Variants in ARMH4 observed in about 807,000 individuals in gnomAD.
ARMH4 encodes armadillo-like helical domain-containing protein 4.
A neutral mutation model predicts 61.9 loss-of-function variants in ARMH4; 49 were observed. The observed-to-expected ratio is 0.79, with a 90% confidence interval of 0.63 to 1.00. The LOEUF is 1.00. Ranked by LOEUF, ARMH4 falls within the 50% of genes least tolerant of loss-of-function variation. The pLI is 0.00. For missense variants in ARMH4, 934 were observed against 930.0 expected (o/e 1.00, Z -0.06); for synonymous variants, 368 against 341.5 (o/e 1.08, Z -0.85).
chr14:58,069,743 T>G (rs1884823397), intron 5 of ARMH4, among the ~76,000 whole-genome samples: 1 of 152,274 alleles, frequency 6.6e-6, no homozygotes, highest in Middle Eastern at 3.4e-3. Flanking sequence ...TTTTATCCTA[T>G]AGGTAATATA....
chr14:58,051,926 AAG>A lies in ARMH4; in HGVS notation c.2090-39778_2090-39777del, dbSNP rs142275141. Among the ~76,000 whole-genome samples the A allele has an allele frequency of 6.7e-3, 1,015 of 152,282 alleles. 10 individuals are homozygous for A. Among genetic ancestry groups the A allele is most frequent in the African/African-American group, 0.023 (970 of 41,564 alleles). Reference sequence around the variant, plus strand: ...TTAACAACTCAAATATACAGAAAGAAAGAGAAAACCCTATTCTAAGCTTGAAT... The same window carrying A: ...TTAACAACTCAAATATACAGAAAGAAAGAAAACCCTATTCTAAGCTTGAAT... On this transcript the variant is annotated intron_variant, in intron 5 of 7. Coordinates refer to ENST00000267485, the MANE Select transcript of ARMH4 (RefSeq NM_001001872.4).
At chr14:58,018,258 C>A (rs1223526582) in intron 5 of ARMH4, among the ~76,000 whole-genome samples, 1 of 151,808 alleles carries the variant, frequency 6.6e-6, no homozygotes, top group African/African-American at 2.4e-5. Flanking sequence ...GAAACAAAAA[C>A]AAAAATAGAA....
chr14:58,010,278 C>T (rs532575990), intron 6 of ARMH4, among the ~76,000 whole-genome samples: 25 of 152,038 alleles, frequency 1.6e-4, no homozygotes, highest in Non-Finnish European at 3.2e-4. Context: ...GATCTATGTA[C>T]ATGTATCTTC....
chr14:58,104,342 C>T lies in ARMH4; in HGVS notation c.1832-7361G>A, dbSNP rs1464243110. On this transcript the variant is annotated intron_variant, in intron 4 of 7. Transcript: ENST00000267485. Reference sequence around the variant, plus strand: ...TTTCTCCTTGTACTACTAGCTTCACCCTTCAGCACTAAGCAACTTATAAGA... The same window carrying T: ...TTTCTCCTTGTACTACTAGCTTCACTCTTCAGCACTAAGCAACTTATAAGA... Among the ~76,000 whole-genome samples the T allele has an allele frequency of 2.6e-4, 40 of 152,194 alleles. 1 individual carries two copies. The highest frequency in any genetic ancestry group is 2.9e-5 in the Non-Finnish European group (2 of 68,036).
intron 5 of ARMH4, among the ~76,000 whole-genome samples, chr14:58,023,893 T>C (rs1566544535): frequency 6.6e-6 from 1 of 152,162 alleles, no homozygotes; most frequent in African/African-American, 2.4e-5. Context: ...TAGTAATAAT[T>C]TGAAAGCAGT....
intron 5 of ARMH4, among the ~76,000 whole-genome samples, chr14:58,056,955 T>C (rs1026288050): frequency 5.9e-5 from 9 of 152,132 alleles, no homozygotes; most frequent in Non-Finnish European, 8.8e-5. Flanking sequence ...GTTTGCCTCC[T>C]TCACACTCTC....
intron 5 of ARMH4, among the ~76,000 whole-genome samples, chr14:58,066,462 T>C (rs549566938): frequency 1.3e-5 from 2 of 152,276 alleles, no homozygotes; most frequent in South Asian, 4.1e-4. Context: ...TTTGGGGTGA[T>C]GAAATTGTCT....
At chr14:58,064,060 A>G (rs867509620) in intron 5 of ARMH4, among the ~76,000 whole-genome samples, 1 of 152,122 alleles carries the variant, frequency 6.6e-6, no homozygotes, top group Non-Finnish European at 1.5e-5. Context: ...CTATACTTAC[A>G]ATATCAACAA....
At chr14:58,127,134 T>G (rs1345822127) in intron 4 of ARMH4, among the ~76,000 whole-genome samples, 4 of 152,140 alleles carry the variant, frequency 2.6e-5, no homozygotes, top group African/African-American at 9.7e-5. Flanking sequence ...AAGTCAATTA[T>G]TATGAGTTTG....
intron 5 of ARMH4, among the ~76,000 whole-genome samples, chr14:58,057,828 T>C (rs1473742327): frequency 6.6e-6 from 1 of 152,170 alleles, no homozygotes; most frequent in Non-Finnish European, 1.5e-5. Flanking sequence ...CTGTCCCTTA[T>C]TCACTACCAC....
At chr14:58,076,013 A>C (rs979645568) in intron 5 of ARMH4, among the ~76,000 whole-genome samples, 2 of 151,730 alleles carry the variant, frequency 1.3e-5, no homozygotes, top group Non-Finnish European at 2.9e-5. Flanking sequence ...AACAAGAAGG[A>C]AGAAGAATAA....
intron 5 of ARMH4, among the ~76,000 whole-genome samples, chr14:58,064,145 AGAAACGGTC>A (rs1884628001): frequency 6.7e-6 from 1 of 150,128 alleles, no homozygotes; most frequent in African/African-American, 2.5e-5. Flanking sequence ...TATCATATCA[AGAAACGGTC>A]ACTTATAATA....
intron 4 of ARMH4, 190 bp downstream of exon 4, chr14:58,131,322 G>T: frequency 1.0e-5 from 5 of 485,510 alleles, no homozygotes; most frequent in South Asian, 4.3e-5. Context: ...ATTTCAAAAT[G>T]TAAAAACCAT....
In ARMH4 at chr14:58,004,649, G is replaced by A; in HGVS notation, c.*87C>T. On this transcript the variant is annotated 3_prime_UTR_variant, in exon 8 of 8. Transcript: ENST00000267485. ...ACTAACGGCCTGATAGCAGCAATGT[G>A]GCAGGTTGTTCTTTTTTTTTTTCTG... 8.9e-7 allele frequency: 1 copy of A among 1,128,512 alleles called. No individual in the cohort carries two copies. The highest frequency in any genetic ancestry group is 1.9e-5 in the Admixed American group (1 of 51,492). 69.9% of individuals were successfully genotyped at this position (1,128,512 alleles called of 1,614,324 possible).
intron 5 of ARMH4, among the ~76,000 whole-genome samples, chr14:58,085,173 T>A (rs575073663): frequency 1.5e-4 from 23 of 152,272 alleles, no homozygotes; most frequent in Middle Eastern, 3.4e-3. Flanking sequence ...TCACCTTAAT[T>A]AGCACCATGT....
intron 4 of ARMH4, among the ~76,000 whole-genome samples, chr14:58,109,877 G>A (rs1372473736): frequency 6.6e-6 from 1 of 152,176 alleles, no homozygotes; most frequent in African/African-American, 2.4e-5. Context: ...GAGGCCTCAG[G>A]AAACTTACAG....
chr14:58,039,988 A>C (rs748072239), intron 5 of ARMH4, among the ~76,000 whole-genome samples: 1 of 152,174 alleles, frequency 6.6e-6, no homozygotes, highest in Non-Finnish European at 1.5e-5. Context: ...TACAACAATA[A>C]CATAAAAAGT....
Position 58,139,368 on chromosome 14 carries a change from G to T in ARMH4, c.-10C>A, listed in dbSNP as rs756729070. The T allele has an allele frequency of 6.2e-7, 1 of 1,612,940 alleles. No individual in the cohort carries two copies. Among genetic ancestry groups the T allele is most frequent in the Non-Finnish European group, 8.5e-7 (1 of 1,179,876 alleles). ...CAATCGGTCCTCTCATAGTGGAAGA[G>T]AAATGGCACGTACACTGGCAGAGTT... On this transcript the variant is annotated 5_prime_UTR_variant, in exon 2 of 8. Transcript: ENST00000267485.
Position 58,133,253 on chromosome 14 carries a change from C to T in ARMH4, c.1458G>A (p.Glu486=). The change falls in exon 3 of 8, where the codon GAG becomes GAA. Residue 486 remains glutamate (E), a synonymous_variant. Transcript: ENST00000267485. The part of the protein sequence containing the change: ...MVTQEQVATL[E]LIRDSGKTEE... The stretch of plus-strand genomic sequence containing the variant: ...CAGTCTTGCCACTGTCTCTGATAAG[C>T]TCGAGGGTAGCAACCTGCTCTTGTG... 1.2e-6 allele frequency: 2 copies of T among 1,614,104 alleles called. No homozygotes were observed.
Sources: allele counts gnomAD v4.1 joint callset (sites outside exome capture counted in the v4.1 genomes callset), GRCh38; gene constraint gnomAD v4.1.1; transcripts MANE v1.5; gene names NCBI Gene and HGNC (gene_info 2026-07-23, HGNC 2026-07-21).